FHIP1A: variants seen among roughly 807,000 people sequenced by gnomAD.
FHIP1A encodes the protein FHF complex subunit HOOK interacting protein 1A, also known as FHF complex subunit HOOK-interacting protein 1A.
FHIP1A carries 61 observed loss-of-function variants against 88.6 expected under a neutral mutation model. The ratio of observed to expected loss-of-function variants is 0.69; its 90% CI spans 0.56 to 0.85. The LOEUF is 0.85. FHIP1A is among the 40% of genes least tolerant of loss of function. The pLI is 0.00. For missense variants in FHIP1A, 1,154 were observed against 1,273.5 expected (o/e 0.91, Z 1.43); for synonymous variants, 478 against 496.0 (o/e 0.96, Z 0.48).
chr4:151,617,423 A>G (rs1050248562), intron 7 of FHIP1A, among the ~76,000 whole-genome samples: 6 of 152,068 alleles, frequency 3.9e-5, no homozygotes, highest in African/African-American at 1.4e-4. Flanking sequence ...TGGTTTTGAA[A>G]ACCTCTCCTG....
chr4:151,561,375 C>T (rs1014597898), intron 3 of FHIP1A, among the ~76,000 whole-genome samples: 1 of 152,110 alleles, frequency 6.6e-6, no homozygotes, highest in African/African-American at 2.4e-5. Context: ...TTATTTTTCG[C>T]AGTCCAGCAT....
At chr4:151,551,274 A>G (rs1235720252) in intron 3 of FHIP1A, among the ~76,000 whole-genome samples, 2 of 152,214 alleles carry the variant, frequency 1.3e-5, no homozygotes, top group Non-Finnish European at 2.9e-5. Context: ...TATAACTAAG[A>G]TTCACTGCCA....
chr4:151,428,173 C>T (rs1733457212), intron 1 of FHIP1A, among the ~76,000 whole-genome samples: 1 of 152,064 alleles, frequency 6.6e-6, no homozygotes, highest in Admixed American at 6.6e-5. Flanking sequence ...CACAATTTTT[C>T]AGGAACACAC....
At chr4:151,612,402 A>C (rs1578816629) in intron 7 of FHIP1A, among the ~76,000 whole-genome samples, 1 of 152,060 alleles carries the variant, frequency 6.6e-6, no homozygotes, top group African/African-American at 2.4e-5. Flanking sequence ...TTGTTTTGAG[A>C]TGGAGTCTCG....
chr4:151,535,072 G>A lies in FHIP1A; in HGVS notation c.-122-31066G>A, dbSNP rs536482986. On this transcript the variant is annotated intron_variant, in intron 3 of 13. Coordinates refer to ENST00000435205, the MANE Select transcript of FHIP1A (RefSeq NM_001109977.3). ...TCTACAAAAAGTAAAAAAATCAGCC[G>A]GGTGTGGTGGTGCACACCTGTAGTA... Among the ~76,000 whole-genome samples the A allele has an allele frequency of 7.9e-5, 12 of 152,176 alleles. No homozygotes were observed. In the South Asian group the frequency reaches 8.3e-4, roughly 11 times the overall value.
At chr4:151,484,874 C>T (rs984404266) in intron 3 of FHIP1A, among the ~76,000 whole-genome samples, 4 of 152,110 alleles carry the variant, frequency 2.6e-5, no homozygotes, top group African/African-American at 7.2e-5. Context: ...TTAGAAGGCT[C>T]TCCTTTCTAA....
intron 2 of FHIP1A, among the ~76,000 whole-genome samples, chr4:151,455,806 A>G (rs1023561873): frequency 6.6e-6 from 1 of 152,200 alleles, no homozygotes; most frequent in African/African-American, 2.4e-5. Context: ...TAGTTGTTTC[A>G]TTTATGTTTA....
chr4:151,509,639 A>G (rs1327142317), intron 3 of FHIP1A, among the ~76,000 whole-genome samples: 3 of 152,148 alleles, frequency 2.0e-5, no homozygotes, highest in African/African-American at 7.2e-5. Flanking sequence ...GGCAGGGAAT[A>G]ATGGTGACCA....
chr4:151,515,324 ATGACAAACCCACAGCCAATATCAT>A (rs1190731560), intron 3 of FHIP1A, among the ~76,000 whole-genome samples: 9 of 151,540 alleles, frequency 5.9e-5, no homozygotes, highest in African/African-American at 1.9e-4. Flanking sequence ...AGAGCTATCT[ATGACAAACCCACAGCCAATATCAT>A]ACTGAATGGG....
intron 9 of FHIP1A, among the ~76,000 whole-genome samples, chr4:151,640,833 T>C (rs556339674): frequency 5.9e-5 from 9 of 152,246 alleles, no homozygotes; most frequent in Admixed American, 2.0e-4. Context: ...TTACTGCTCA[T>C]ATAGTGGTGT....
chr4:151,486,948 A>G (rs2126641533), intron 3 of FHIP1A, among the ~76,000 whole-genome samples: 1 of 149,470 alleles, frequency 6.7e-6, no homozygotes, highest in African/African-American at 2.5e-5. Context: ...AGCCTAGGCA[A>G]CAAGAGCAAA....
intron 7 of FHIP1A, among the ~76,000 whole-genome samples, chr4:151,626,930 T>A (rs1735975506): frequency 6.6e-6 from 1 of 152,206 alleles, no homozygotes; most frequent in Non-Finnish European, 1.5e-5. Flanking sequence ...TGATCACACT[T>A]AGGCTCTGGT....
At chr4:151,466,847 C>T (rs1161098059) in intron 2 of FHIP1A, among the ~76,000 whole-genome samples, 2 of 152,190 alleles carry the variant, frequency 1.3e-5, no homozygotes, top group African/African-American at 4.8e-5. Context: ...GGATTAAAGA[C>T]TTAAATGTAA....
At chr4:151,484,172 A>G (rs1383876918) in intron 3 of FHIP1A, among the ~76,000 whole-genome samples, 2 of 152,182 alleles carry the variant, frequency 1.3e-5, no homozygotes, top group Non-Finnish European at 2.9e-5. Flanking sequence ...CCTTAGCAGA[A>G]TGAACATTCT....
intron 7 of FHIP1A, among the ~76,000 whole-genome samples, chr4:151,606,834 C>T (rs1171477304): frequency 1.3e-5 from 2 of 152,150 alleles, no homozygotes; most frequent in African/African-American, 4.8e-5. Flanking sequence ...TTCTCCACTG[C>T]GCTGAAAGCA....
At chr4:151,622,379 T>G (rs1159839674) in intron 7 of FHIP1A, among the ~76,000 whole-genome samples, 1 of 152,208 alleles carries the variant, frequency 6.6e-6, no homozygotes, top group Admixed American at 6.5e-5. Context: ...GACTAAGCTG[T>G]GTTGCTGAAA....
intron 2 of FHIP1A, among the ~76,000 whole-genome samples, chr4:151,481,622 A>G (rs1028770215): frequency 3.3e-5 from 5 of 152,126 alleles, no homozygotes; most frequent in Non-Finnish European, 7.4e-5. Flanking sequence ...GAATAAAAGA[A>G]TGGCTACTCC....
intron 3 of FHIP1A, among the ~76,000 whole-genome samples, chr4:151,558,552 AAAAC>A (rs1270697952): frequency 1.3e-5 from 2 of 152,108 alleles, no homozygotes; most frequent in Non-Finnish European, 2.9e-5. Context: ...AAAACAAAAC[AAAAC>A]AAACAAACAG....
At chr4:151,511,529 A>G (rs1329629212) in intron 3 of FHIP1A, among the ~76,000 whole-genome samples, 1 of 152,218 alleles carries the variant, frequency 6.6e-6, no homozygotes, top group Non-Finnish European at 1.5e-5. Context: ...TCCCTTTCCT[A>G]GTCAAAGAAA....
Sources: allele counts gnomAD v4.1 joint callset (sites outside exome capture counted in the v4.1 genomes callset), GRCh38; gene constraint gnomAD v4.1.1; transcripts MANE v1.5; gene names NCBI Gene and HGNC (gene_info 2026-07-23, HGNC 2026-07-21).